Variants in TNFAIP2 observed in about 807,000 individuals in gnomAD.
TNFAIP2 encodes tumor necrosis factor alpha-induced protein 2.
In TNFAIP2, 47 loss-of-function variants were observed where a neutral mutation model predicts 63.5. The observed-to-expected ratio is 0.74, with a 90% CI of 0.59 to 0.94. The LOEUF (loss-of-function observed/expected upper bound fraction) is 0.94. Among genes scored for constraint, TNFAIP2 ranks in the 40% least tolerant of loss-of-function variants. The pLI is 0.00. For missense variants in TNFAIP2, 787 were observed against 850.2 expected, an observed-to-expected ratio of 0.93 and a Z score of 0.92; for synonymous variants, 405 against 390.2, an observed-to-expected ratio of 1.04 and a Z score of -0.45.
chr14:103,125,002 G>A (rs8176359), intron 1 of TNFAIP2, among the ~76,000 whole-genome samples: 6,431 of 152,264 alleles, frequency 0.042, 377 homozygotes, highest in African/African-American at 0.13. Flanking sequence ...GGGAAGAGTC[G>A]GATGGGCCCA....
intron 10 of TNFAIP2, 82 bp downstream of exon 10, chr14:103,133,599 C>G: frequency 6.4e-7 from 1 of 1,572,354 alleles, no homozygotes; most frequent in Non-Finnish European, 8.6e-7. Flanking sequence ...GGAGATAGGC[C>G]GCTGGTGCCT....
At chr14:103,134,134 T>C (rs934176734) in intron 11 of TNFAIP2, among the ~76,000 whole-genome samples, 12 of 152,200 alleles carry the variant, frequency 7.9e-5, no homozygotes, top group African/African-American at 2.7e-4. Flanking sequence ...TCACCCAGCC[T>C]GGGGGGCCTC....
Position 103,129,800 on chromosome 14 carries a change from C to T in TNFAIP2, c.921C>T (p.Leu307=). The change falls in exon 4 of 12, where the codon CTC becomes CTT. Residue 307 remains leucine (L), a synonymous_variant. Coordinates refer to ENST00000560869, the MANE Select transcript of TNFAIP2 (RefSeq NM_006291.4). ...GELQGMGLGS[L]LPPRQIRLLE... ...TGCAGGGTATGGGGCTCGGGAGCCT[C>T]CTGCCCCCCAGGCAGATCCGACTGC... 6.2e-7 allele frequency: 1 copy of T among 1,614,050 alleles called. No homozygotes were observed. The highest frequency in any genetic ancestry group is 8.5e-7 in the Non-Finnish European group (1 of 1,179,966).
At position 103,132,924 on chromosome 14, in the gene TNFAIP2, G is replaced by A. The variant is rs371517781; in HGVS notation, c.1545+52G>A. 22 of 1,606,456 alleles carry A rather than the reference G, an allele frequency of 1.4e-5. 1 individual carries two copies. The highest frequency in any genetic ancestry group is 1.0e-4 in the South Asian group (9 of 89,594). On this transcript the variant is annotated intron_variant, in intron 9 of 11. Coordinates refer to ENST00000560869, the MANE Select transcript of TNFAIP2 (RefSeq NM_006291.4). ...GGTCTTGGGGAGTTGGGGGCAGCCC[G>A]GACACGCACACTAGCACGTCTGTGT... is the stretch of plus-strand genomic sequence containing the variant.
At position 103,136,280 on chromosome 14, in the gene TNFAIP2, A is replaced by G. The variant is rs2088093828; in HGVS notation, c.*920A>G. The G allele has an allele frequency of 4.9e-6, 1 of 205,864 alleles. No individual in the cohort carries two copies. Among genetic ancestry groups the G allele is most frequent in the African/African-American group, 2.3e-5 (1 of 42,730 alleles). 12.8% of individuals were successfully genotyped at this position (205,864 alleles called of 1,614,324 possible). Reference sequence around the variant, plus strand: ...CAGGTTTCCACAAACTTCGTGGATCAAAACGAGGTCTTCCAGTTCTGCGGG... The same window carrying G: ...CAGGTTTCCACAAACTTCGTGGATCGAAACGAGGTCTTCCAGTTCTGCGGG... On this transcript the variant is annotated 3_prime_UTR_variant, in exon 12 of 12. Transcript: ENST00000560869.
At chr14:103,122,883 G>T (rs1015864957), upstream of TNFAIP2, 9 of 454,164 alleles carry the variant, frequency 2.0e-5, no homozygotes, top group African/African-American at 1.8e-4. Flanking sequence ...CGCATTTCAA[G>T]CAAGGCTTGA....
rs766106526 is a variant in TNFAIP2 at position 103,132,816 on chromosome 14, G to T, written c.1489G>T (p.Ala497Ser). The T allele has an allele frequency of 3.7e-6, 6 of 1,614,054 alleles. No homozygotes were observed. The highest frequency in any genetic ancestry group is 5.1e-6 in the Non-Finnish European group (6 of 1,179,968). ...APVETLENII[A>S]TVDTRLPEFS... ...TGTGGAGACCCTGGAAAACATCATC[G>T]CCACTGTAGACACGAGGCTGCCTGA... Residue 497 changes from alanine to serine, a missense_variant, in exon 9 of 12, where the codon GCC becomes TCC. Physicochemically the swap from Ala to Ser is moderately conservative, Grantham distance 99. Coordinates refer to ENST00000560869, the MANE Select transcript of TNFAIP2 (RefSeq NM_006291.4).
Position 103,127,143 on chromosome 14 carries a change from T to C in TNFAIP2, c.374T>C (p.Val125Ala), listed in dbSNP as rs2087872902. ...GAGCTGGTGCGGCGCCAGAGCAAGG[T>C]GGAGGCGCTGTACGAGCTGCTGCGC... ...EEELVRRQSK[V>A]EALYELLRDQ... Residue 125 changes from valine (V) to alanine (A), a missense_variant, in exon 3 of 12, where the codon GTG becomes GCG. By Grantham distance (64) the Val-to-Ala change is moderately conservative (BLOSUM62 0). Around this residue, in one of 3 missense-constraint regions of TNFAIP2, gnomAD observed 258 missense variants for 228.9 expected, o/e 1.13. Transcript: ENST00000560869. The surrounding 1 kb of genome is among the most constrained non-coding windows in gnomAD (Gnocchi z 5.1). 4.5e-6 allele frequency: 5 copies of C among 1,109,468 alleles called. No homozygotes were observed. The highest frequency in any genetic ancestry group is 1.7e-5 in the African/African-American group (1 of 57,978). The allele number at this position is 1,109,468 out of a possible 1,614,324, so 68.7% of individuals were successfully genotyped here.
At chr14:103,130,867 C>G (rs2297065) in intron 6 of TNFAIP2, among the ~76,000 whole-genome samples, 185 bp from the exon 7 acceptor site, 6,610 of 152,266 alleles carry the variant, frequency 0.043, 216 homozygotes, top group African/African-American at 0.094. Context: ...GTACCCTCTT[C>G]AGGAGCCCAA....
chr14:103,127,056 C>T lies in TNFAIP2; in HGVS notation c.287C>T (p.Pro96Leu), dbSNP rs1566962216. 4 of 1,139,148 alleles carry T rather than the reference C, an allele frequency of 3.5e-6. No homozygotes were observed. The South Asian group carries it at 9.9e-5, about 28-fold the overall frequency. 70.6% of individuals were successfully genotyped at this position (1,139,148 alleles called of 1,614,324 possible). A position where few individuals can be genotyped will look rare whatever the true frequency, so the allele number is the denominator to read the frequency against. ...CGCGGGCAGCTGGAGGCGGCGCGGCCGCTGCTGGCGCTGGAGCGGGAGCTG... is the reference window on the plus strand; with the variant it reads ...CGCGGGCAGCTGGAGGCGGCGCGGCTGCTGCTGGCGCTGGAGCGGGAGCTG... The part of the protein sequence containing the change: ...LERGQLEAAR[P>L]LLALERELAA... The change falls in exon 3 of 12, where the codon CCG becomes CTG. Residue 96 changes from proline (P) to leucine (L), a missense_variant. This residue lies in a region of TNFAIP2 where 258 missense variants were observed against 228.9 expected (regional missense o/e 1.13). Coordinates refer to ENST00000560869, the MANE Select transcript of TNFAIP2 (RefSeq NM_006291.4). The surrounding 1 kb of genome is among the most constrained non-coding windows in gnomAD (Gnocchi z 5.1).
intron 1 of TNFAIP2, 43 bp from the exon 2 acceptor site, chr14:103,126,267 C>T: frequency 1.8e-6 from 1 of 549,232 alleles, no homozygotes. Context: ...GGAGCCAGGG[C>T]CGGTCCATGG....
chr14:103,126,749 T>A (rs1189576047), intron 2 of TNFAIP2, 57 bp downstream of exon 2: 12 of 1,497,096 alleles, frequency 8.0e-6, no homozygotes, highest in Non-Finnish European at 1.1e-5. Flanking sequence ...TTGGCGCTCA[T>A]CCGCGTGAGT....
upstream of TNFAIP2, chr14:103,122,943 G>C (rs923159362): frequency 2.5e-6 from 1 of 399,800 alleles, no homozygotes; most frequent in Non-Finnish European, 5.0e-6. Context: ...CCAGCACTCT[G>C]GCCAGCCTTG....
intron 3 of TNFAIP2, among the ~76,000 whole-genome samples, chr14:103,128,075 G>C (rs2087899082): frequency 1.3e-5 from 2 of 152,202 alleles, no homozygotes; most frequent in Non-Finnish European, 2.9e-5. Context: ...AAGCCAGCCT[G>C]GAGGAGGTGA....
intron 8 of TNFAIP2, among the ~76,000 whole-genome samples, chr14:103,132,094 C>A: frequency 6.6e-6 from 1 of 151,940 alleles, no homozygotes; most frequent in Non-Finnish European, 1.5e-5. Context: ...CTGCCCCTCC[C>A]CGATTCAGAC....
chr14:103,133,945 C>T (rs2088043810), intron 11 of TNFAIP2, 142 bp downstream of exon 11: 43 of 1,089,228 alleles, frequency 3.9e-5, no homozygotes, highest in Non-Finnish European at 5.3e-5. Flanking sequence ...TTCTTGTGGC[C>T]TTCACCACAG....
intron 1 of TNFAIP2, 22 bp from the exon 2 acceptor site, chr14:103,126,288 T>G: frequency 1.7e-6 from 1 of 584,442 alleles, no homozygotes; most frequent in African/African-American, 1.9e-5. Flanking sequence ...TGACCACTGA[T>G]GCCTTCACCC....
intron 6 of TNFAIP2, 80 bp from the exon 7 acceptor site, chr14:103,130,972 T>TGGCAGGGAG: frequency 6.9e-7 from 1 of 1,451,190 alleles, no homozygotes; most frequent in South Asian, 1.2e-5. Flanking sequence ...CCCCAGGAGC[T>TGGCAGGGAG]GGCAGGGAGG....
intron 1 of TNFAIP2, chr14:103,124,533 G>A (rs1485035525): frequency 6.6e-6 from 1 of 152,622 alleles, no homozygotes; most frequent in African/African-American, 2.4e-5. Context: ...TACATGTGGG[G>A]TGGGACAGGG....
Sources: gnomAD v4.1 joint callset for allele counts (sites outside exome capture counted in the v4.1 genomes callset) on GRCh38, gnomAD v4.1.1 for gene constraint, gnomAD v4.1.1 regional missense constraint, Gnocchi (gnomAD v3.1) non-coding constraint, MANE v1.5 for transcripts, NCBI Gene and HGNC (gene_info 2026-07-23, HGNC 2026-07-21) for gene names.